Variants in CNTNAP5 observed in about 807,000 individuals in gnomAD.
CNTNAP5 encodes contactin associated protein family member 5, also known as contactin-associated protein-like 5.
In CNTNAP5, 72 loss-of-function variants were observed where a neutral mutation model predicts 150.2. That is an observed-to-expected ratio of 0.48 (90% CI 0.40 to 0.58). The LOEUF (loss-of-function observed/expected upper bound fraction) is 0.58. CNTNAP5 is among the 20% of genes least tolerant of loss of function. The pLI, the probability that CNTNAP5 is intolerant of heterozygous loss-of-function variation, is 0.00. For missense variants in CNTNAP5, 1,636 were observed against 1,626.2 expected (o/e 1.01, Z -0.10); for synonymous variants, 672 against 619.8 (o/e 1.08, Z -1.25).
intron 17 of CNTNAP5, among the ~76,000 whole-genome samples, chr2:124,777,517 G>A (rs1399360351): frequency 6.6e-6 from 1 of 151,962 alleles, no homozygotes; most frequent in Non-Finnish European, 1.5e-5. Flanking sequence ...TGAGTAGCTG[G>A]GGTTACAGGT....
At chr2:124,883,949 C>A (rs899354927) in intron 21 of CNTNAP5, among the ~76,000 whole-genome samples, 1 of 149,552 alleles carries the variant, frequency 6.7e-6, no homozygotes, top group South Asian at 2.1e-4. Flanking sequence ...TGCAAATGTA[C>A]ATGTACACAT....
intron 1 of CNTNAP5, among the ~76,000 whole-genome samples, chr2:124,153,468 T>C (rs1029342561): frequency 1.3e-5 from 2 of 151,970 alleles, no homozygotes; most frequent in Non-Finnish European, 2.9e-5. Flanking sequence ...GTCTCATAGT[T>C]CTGGAGGATG....
chr2:124,146,566 T>A (rs965639833), intron 1 of CNTNAP5, among the ~76,000 whole-genome samples: 1 of 152,124 alleles, frequency 6.6e-6, no homozygotes, highest in Non-Finnish European at 1.5e-5. Context: ...ATCAGAATAC[T>A]TAAATAATTT....
At chr2:124,207,114 C>T (rs1360056185) in intron 1 of CNTNAP5, among the ~76,000 whole-genome samples, 1 of 152,194 alleles carries the variant, frequency 6.6e-6, no homozygotes, top group Non-Finnish European at 1.5e-5. Context: ...CCCTTCCTAA[C>T]ACATGTTACA....
chr2:124,309,362 C>T (rs1352770641), intron 3 of CNTNAP5, among the ~76,000 whole-genome samples: 1 of 152,066 alleles, frequency 6.6e-6, no homozygotes, highest in Non-Finnish European at 1.5e-5. Context: ...ACATATACTA[C>T]AGATATTCAG....
chr2:124,789,665 C>T (rs910199479), intron 17 of CNTNAP5, among the ~76,000 whole-genome samples: 2 of 152,144 alleles, frequency 1.3e-5, no homozygotes, highest in Admixed American at 1.3e-4. Context: ...ATTTGGTTTT[C>T]TGTTCCTGCC....
intron 12 of CNTNAP5, among the ~76,000 whole-genome samples, chr2:124,638,204 C>A (rs958791351): frequency 4.7e-5 from 2 of 42,446 alleles, no homozygotes; most frequent in East Asian, 6.4e-4. Flanking sequence ...ATATATAATA[C>A]ATATATATGA....
At chr2:124,122,107 G>T (rs1397082870) in intron 1 of CNTNAP5, among the ~76,000 whole-genome samples, 1 of 152,040 alleles carries the variant, frequency 6.6e-6, no homozygotes, top group Non-Finnish European at 1.5e-5. Context: ...CAGATTCATG[G>T]CTCGTTATGC....
At chr2:124,833,417 C>T (rs1682761176) in intron 19 of CNTNAP5, among the ~76,000 whole-genome samples, 1 of 152,152 alleles carries the variant, frequency 6.6e-6, no homozygotes, top group Non-Finnish European at 1.5e-5. Flanking sequence ...TGGGTCCCCA[C>T]AATGTTCCAA....
At chr2:124,069,814 A>G (rs1441604409) in intron 1 of CNTNAP5, among the ~76,000 whole-genome samples, 5 of 152,180 alleles carry the variant, frequency 3.3e-5, no homozygotes, top group Non-Finnish European at 7.4e-5. Flanking sequence ...CTGAAAGAAA[A>G]GGATGTTAAT....
chr2:124,670,645 TG>T (rs1678804218), intron 13 of CNTNAP5, among the ~76,000 whole-genome samples: 1 of 119,566 alleles, frequency 8.4e-6, no homozygotes, highest in African/African-American at 3.3e-5. Context: ...GTGTTGCACT[TG>T]TTGTTGTTGT....
At chr2:124,720,589 T>A (rs554211919) in intron 13 of CNTNAP5, among the ~76,000 whole-genome samples, 2 of 152,334 alleles carry the variant, frequency 1.3e-5, no homozygotes, top group East Asian at 3.9e-4. Flanking sequence ...GTGACTCTAC[T>A]GCGTTAAAAG....
chr2:124,168,476 T>C (rs777228448), intron 1 of CNTNAP5, among the ~76,000 whole-genome samples: 2 of 152,206 alleles, frequency 1.3e-5, no homozygotes, highest in Non-Finnish European at 2.9e-5. Context: ...CAAAAAGTTC[T>C]TCATCTTGTA....
chr2:124,714,875 G>A (rs1573568435), intron 13 of CNTNAP5, among the ~76,000 whole-genome samples: 1 of 152,028 alleles, frequency 6.6e-6, no homozygotes, highest in Admixed American at 6.6e-5. Context: ...GGTCTATCAA[G>A]ACAGATTTGC....
At chr2:124,532,884 G>A (rs554702193) in intron 10 of CNTNAP5, among the ~76,000 whole-genome samples, 1 of 152,290 alleles carries the variant, frequency 6.6e-6, no homozygotes, top group South Asian at 2.1e-4. Flanking sequence ...TGTTCACTGT[G>A]TTAATTCCTC....
At chr2:124,130,414 G>A (rs1683816408) in intron 1 of CNTNAP5, among the ~76,000 whole-genome samples, 1 of 151,670 alleles carries the variant, frequency 6.6e-6, no homozygotes, top group Non-Finnish European at 1.5e-5. Flanking sequence ...CTGTATACCT[G>A]CCCCCTCCTC....
intron 6 of CNTNAP5, among the ~76,000 whole-genome samples, chr2:124,456,996 T>C (rs1197600244): frequency 1.3e-5 from 2 of 152,212 alleles, no homozygotes; most frequent in Non-Finnish European, 2.9e-5. Context: ...CTTCTAGACA[T>C]TGGCTTGGGC....
chr2:124,660,423 G>A (rs1453352211), intron 13 of CNTNAP5, among the ~76,000 whole-genome samples: 5 of 152,138 alleles, frequency 3.3e-5, no homozygotes, highest in African/African-American at 1.2e-4. Context: ...CTAAAACAGT[G>A]CTGTCCAATG....
intron 3 of CNTNAP5, among the ~76,000 whole-genome samples, chr2:124,311,660 A>G (rs1192210387): frequency 2.0e-5 from 3 of 152,160 alleles, no homozygotes; most frequent in African/African-American, 7.2e-5. Flanking sequence ...GCACTGCCTA[A>G]CTGCAGTCCT....
Sources: allele counts gnomAD v4.1 joint callset (sites outside exome capture counted in the v4.1 genomes callset), GRCh38; gene constraint gnomAD v4.1.1; transcripts MANE v1.5; gene names NCBI Gene and HGNC (gene_info 2026-07-23, HGNC 2026-07-21).